Variants in PCBP3 observed in about 807,000 individuals in gnomAD.
The protein encoded by PCBP3 is poly(rC)-binding protein 3.
A neutral mutation model predicts 52.7 loss-of-function variants in PCBP3; 25 were observed. The ratio of observed to expected loss-of-function variants is 0.47; its 90% CI spans 0.35 to 0.66. The LOEUF (loss-of-function observed/expected upper bound fraction) is 0.66, where lower values mean the gene tolerates loss of function less well. PCBP3 is among the 30% of genes least tolerant of loss of function. The probability of loss-of-function intolerance (pLI) is 0.01; values close to 1 mark genes in which losing one functional copy is unlikely to be tolerated. For synonymous variants in PCBP3, 162 were observed against 183.0 expected (o/e 0.89, Z 0.93); for missense variants, 391 against 490.3 (o/e 0.80, Z 1.91).
chr21:45,815,637 G>GA (rs1366498983), intron 4 of PCBP3, among the ~76,000 whole-genome samples: 3 of 83,270 alleles, frequency 3.6e-5, no homozygotes, highest in African/African-American at 2.0e-4. Context: ...AGTGGTGAGT[G>GA]GTGAGTGAGT....
chr21:45,691,105 A>T (rs530602778), intron 2 of PCBP3, among the ~76,000 whole-genome samples: 1 of 152,136 alleles, frequency 6.6e-6, no homozygotes, highest in Non-Finnish European at 1.5e-5. Flanking sequence ...GTTAAAAGCT[A>T]GGAACAATTA....
Position 45,898,643 on chromosome 21 carries a change from G to A in PCBP3, c.166-956G>A, listed in dbSNP as rs947999901. The stretch of plus-strand genomic sequence containing the variant: ...TCACGGCCTCCCTCTCCCTCCACGG[G>A]CCCCTCTGCACACCGTCCTCACAGC... On this transcript the variant is annotated intron_variant, in intron 6 of 17. Transcript: ENST00000681687. Among the ~76,000 whole-genome samples, 15 of 52,262 alleles carry A rather than the reference G, an allele frequency of 2.9e-4. 1 individual carries two copies. The highest frequency in any genetic ancestry group is 1.1e-3 in the South Asian group (1 of 928). 34.3% of individuals were successfully genotyped at this position (52,262 alleles called of 152,430 possible).
Position 45,835,214 on chromosome 21 carries a change from C to T in PCBP3, c.-125-14747C>T, listed in dbSNP as rs924707651. On this transcript the variant is annotated intron_variant, in intron 4 of 17. Transcript: ENST00000681687. ...CCACGTCTGCCCTGGGCCCCGGGGGCGGGGCCTACACAGGCTCCCAGGAGT... is the reference window on the plus strand; with the variant it reads ...CCACGTCTGCCCTGGGCCCCGGGGGTGGGGCCTACACAGGCTCCCAGGAGT... Among the ~76,000 whole-genome samples the T allele has an allele frequency of 2.6e-5, 4 of 152,096 alleles. 1 individual carries two copies. The highest frequency in any genetic ancestry group is 4.8e-5 in the African/African-American group (2 of 41,416).
intron 3 of PCBP3, among the ~76,000 whole-genome samples, chr21:45,738,719 C>G (rs1260582826): frequency 6.6e-6 from 1 of 151,500 alleles, no homozygotes; most frequent in Non-Finnish European, 1.5e-5. Context: ...GGGTAGCCCC[C>G]CCATCTTCAT....
intron 3 of PCBP3, among the ~76,000 whole-genome samples, chr21:45,745,232 G>T (rs977049294): frequency 1.3e-5 from 2 of 152,176 alleles, no homozygotes; most frequent in African/African-American, 4.8e-5. Flanking sequence ...TTGGAATCCT[G>T]GCTCACAGCT....
At chr21:45,866,217 G>A (rs2148529589) in intron 5 of PCBP3, among the ~76,000 whole-genome samples, 1 of 152,334 alleles carries the variant, frequency 6.6e-6, no homozygotes, top group African/African-American at 2.4e-5. Context: ...GAAGCACTGA[G>A]GTAGGGCCCA....
At chr21:45,844,488 G>C (rs2093764015) in intron 4 of PCBP3, among the ~76,000 whole-genome samples, 1 of 152,176 alleles carries the variant, frequency 6.6e-6, no homozygotes, top group Non-Finnish European at 1.5e-5. Flanking sequence ...ACACCTGCCA[G>C]GGTAGAATTC....
At chr21:45,892,958 GGAGGGGAGGGAGTGCTGGA>G (rs1189589707) in intron 5 of PCBP3, among the ~76,000 whole-genome samples, 5 of 152,050 alleles carry the variant, frequency 3.3e-5, no homozygotes, top group Admixed American at 1.3e-4. Flanking sequence ...GGAGTCCTGG[GGAGGGGAGGGAGTGCTGGA>G]GAGGGGAGGG....
At chr21:45,695,764 A>G (rs2082729075) in intron 2 of PCBP3, among the ~76,000 whole-genome samples, 1 of 152,060 alleles carries the variant, frequency 6.6e-6, no homozygotes, top group Non-Finnish European at 1.5e-5. Context: ...CAAAGGCACC[A>G]CCTACAATTA....
chr21:45,838,808 T>C (rs1219114033), intron 4 of PCBP3, among the ~76,000 whole-genome samples: 1 of 152,208 alleles, frequency 6.6e-6, no homozygotes, highest in African/African-American at 2.4e-5. Flanking sequence ...TCCTGTGTTT[T>C]AAGGTCAGTG....
chr21:45,686,798 G>A (rs932683023), intron 2 of PCBP3, among the ~76,000 whole-genome samples: 2 of 152,104 alleles, frequency 1.3e-5, no homozygotes, highest in Non-Finnish European at 2.9e-5. Flanking sequence ...GATTAGATGT[G>A]TAGAAGAAAA....
At chr21:45,839,145 A>G (rs2093648831) in intron 4 of PCBP3, among the ~76,000 whole-genome samples, 1 of 151,624 alleles carries the variant, frequency 6.6e-6, no homozygotes, top group South Asian at 2.1e-4. Context: ...GCTTTATATT[A>G]TCACTCTCTA....
In PCBP3 at chr21:45,805,378, G is replaced by T. The variant is rs1272441978; in HGVS notation, c.-125-44583G>T. On this transcript the variant is annotated intron_variant, in intron 4 of 17. Transcript: ENST00000681687. The surrounding 1 kb of genome is among the most constrained non-coding windows in gnomAD (Gnocchi z 4.6). The stretch of plus-strand genomic sequence containing the variant: ...GTGACTGGTAACAAGCAGGGGTTTG[G>T]CACCCCCCTTGCCCACCTGCCCTGT... Among the ~76,000 whole-genome samples the T allele has an allele frequency of 6.6e-6, 1 of 152,044 alleles. No individual in the cohort carries two copies. Among genetic ancestry groups the T allele is most frequent in the Admixed American group, 6.5e-5 (1 of 15,276 alleles).
At chr21:45,901,291 A>G in intron 9 of PCBP3, 178 bp downstream of exon 9, 1 of 588,922 alleles carries the variant, frequency 1.7e-6, no homozygotes, top group Non-Finnish European at 3.1e-6. Context: ...TGGTTCACCC[A>G]GTCAGGGGCC....
At chr21:45,906,330 A>G (rs2096203714) in intron 9 of PCBP3, among the ~76,000 whole-genome samples, 1 of 151,484 alleles carries the variant, frequency 6.6e-6, no homozygotes. Flanking sequence ...GTATCTTGGT[A>G]TCTGTACTGG....
intron 2 of PCBP3, among the ~76,000 whole-genome samples, chr21:45,727,991 AT>A (rs779126760): frequency 6.6e-6 from 1 of 152,144 alleles, no homozygotes; most frequent in Non-Finnish European, 1.5e-5. Context: ...AAGCCCTCCC[AT>A]TTTGTTCTCT....
intron 5 of PCBP3, among the ~76,000 whole-genome samples, chr21:45,881,865 C>T (rs1052218440): frequency 2.1e-4 from 32 of 152,182 alleles, no homozygotes; most frequent in African/African-American, 6.0e-4. Flanking sequence ...CAGGTTCATC[C>T]GCAGTGACAC....
At chr21:45,850,789 C>CT (rs775954441) in intron 5 of PCBP3, among the ~76,000 whole-genome samples, 2 of 152,172 alleles carry the variant, frequency 1.3e-5, no homozygotes, top group Admixed American at 6.5e-5. Context: ...CAGGTGAAGT[C>CT]TGTCTGTAAC....
intron 13 of PCBP3, among the ~76,000 whole-genome samples, chr21:45,922,343 C>T (rs1333138543): frequency 3.3e-5 from 5 of 152,166 alleles, no homozygotes; most frequent in Non-Finnish European, 5.9e-5. Context: ...TGCTTGAGCC[C>T]AGGAGTTGGA....
Sources: allele counts gnomAD v4.1 joint callset (sites outside exome capture counted in the v4.1 genomes callset), GRCh38; gene constraint gnomAD v4.1.1; non-coding constraint Gnocchi (gnomAD v3.1); transcripts MANE v1.5; gene names NCBI Gene and HGNC (gene_info 2026-07-23, HGNC 2026-07-21).